TAOK3: variants seen among roughly 807,000 people sequenced by gnomAD.
TAOK3 encodes the protein TAO kinase 3.
In TAOK3, 40 loss-of-function variants were observed where a neutral mutation model predicts 120.4. The observed-to-expected ratio is 0.33, with a 90% CI of 0.26 to 0.43. The LOEUF is 0.43. Ranked by LOEUF, TAOK3 falls within the 20% of genes least tolerant of loss-of-function variation. The probability of loss-of-function intolerance (pLI) is 1.00; values close to 1 mark genes in which losing one functional copy is unlikely to be tolerated. For missense variants in TAOK3, 821 were observed against 1,112.1 expected (o/e 0.74, Z 3.72); for synonymous variants, 355 against 387.5 (o/e 0.92, Z 0.99).
intron 17 of TAOK3, among the ~76,000 whole-genome samples, chr12:118,162,640 A>T (rs1233235320): frequency 6.6e-6 from 1 of 152,038 alleles, no homozygotes; most frequent in East Asian, 1.9e-4. Flanking sequence ...TATTTTTTAA[A>T]ATCTCAGAGT....
At chr12:118,246,327 T>C in intron 3 of TAOK3, 2 of 1,602,234 alleles carry the variant, frequency 1.2e-6, no homozygotes, top group Non-Finnish European at 1.7e-6. Context: ...GGAGGAGATC[T>C]ATCTCTTCTC....
intron 14 of TAOK3, among the ~76,000 whole-genome samples, chr12:118,183,122 C>T (rs1485476174): frequency 6.6e-6 from 1 of 152,058 alleles, no homozygotes; most frequent in Non-Finnish European, 1.5e-5. Flanking sequence ...ACTGTAAGGC[C>T]CATCTCCCCA....
At chr12:118,245,026 T>G (rs1404398867) in intron 3 of TAOK3, 61 bp from the exon 4 acceptor site, 7 of 1,123,236 alleles carry the variant, frequency 6.2e-6, no homozygotes, top group Non-Finnish European at 9.2e-6. Context: ...CAATTTAACT[T>G]AAATATTTGA....
At chr12:118,340,699 C>T (rs922259358) in intron 1 of TAOK3, among the ~76,000 whole-genome samples, 4 of 151,856 alleles carry the variant, frequency 2.6e-5, no homozygotes, top group Admixed American at 6.6e-5. Flanking sequence ...CACAGCACTC[C>T]GTTATTTTGA....
chr12:118,327,927 A>G (rs2043996574), intron 1 of TAOK3, among the ~76,000 whole-genome samples: 1 of 152,228 alleles, frequency 6.6e-6, no homozygotes, highest in African/African-American at 2.4e-5. Context: ...TCTTATTTTC[A>G]GAAAGCATAT....
At chr12:118,369,816 CTGT>C (rs765120270) in intron 1 of TAOK3, among the ~76,000 whole-genome samples, 17 of 152,028 alleles carry the variant, frequency 1.1e-4, no homozygotes, top group African/African-American at 2.2e-4. Context: ...TCTGTATTTG[CTGT>C]TGTTGTTTCT....
chr12:118,285,588 G>C (rs111341720), intron 1 of TAOK3, among the ~76,000 whole-genome samples: 16 of 148,772 alleles, frequency 1.1e-4, no homozygotes, highest in Admixed American at 2.0e-4. Flanking sequence ...CCTGACCTCA[G>C]GTGATCCACC....
chr12:118,188,945 A>T (rs73222049), intron 14 of TAOK3, among the ~76,000 whole-genome samples: 29 of 132,002 alleles, frequency 2.2e-4, no homozygotes, highest in South Asian at 1.5e-3. Flanking sequence ...TGTGTGTGTG[A>T]GTGTGAGCGC....
intron 1 of TAOK3, among the ~76,000 whole-genome samples, chr12:118,350,550 G>A (rs572296204): frequency 6.6e-5 from 10 of 152,050 alleles, no homozygotes; most frequent in Admixed American, 2.0e-4. Flanking sequence ...TTTAAATGAC[G>A]GGTCTTCAGC....
intron 1 of TAOK3, among the ~76,000 whole-genome samples, chr12:118,303,527 C>T (rs555861616): frequency 5.3e-5 from 8 of 152,308 alleles, no homozygotes; most frequent in African/African-American, 1.4e-4. Context: ...GCACTGTTTT[C>T]GCCATGTTAA....
chr12:118,273,327 C>T (rs2041786684), intron 1 of TAOK3, among the ~76,000 whole-genome samples: 1 of 151,238 alleles, frequency 6.6e-6, no homozygotes, highest in South Asian at 2.1e-4. Flanking sequence ...ACGGTGAAAC[C>T]CCATCTCTAC....
chr12:118,274,753 C>T (rs1798806732), intron 1 of TAOK3, among the ~76,000 whole-genome samples: 1 of 152,092 alleles, frequency 6.6e-6, no homozygotes, highest in African/African-American at 2.4e-5. Context: ...CTCAATGTCC[C>T]AAGTAGCTGG....
intron 1 of TAOK3, among the ~76,000 whole-genome samples, chr12:118,301,636 G>A (rs2140706561): frequency 6.6e-6 from 1 of 152,152 alleles, no homozygotes; most frequent in East Asian, 1.9e-4. Context: ...ACGAGGTCAG[G>A]AGTTCAAGAT....
At chr12:118,285,607 C>A (rs1170890773) in intron 1 of TAOK3, among the ~76,000 whole-genome samples, 2 of 152,224 alleles carry the variant, frequency 1.3e-5, no homozygotes, top group African/African-American at 4.8e-5. Context: ...CCTGCCTTGG[C>A]CTCCCAAAGT....
intron 1 of TAOK3, among the ~76,000 whole-genome samples, chr12:118,353,691 G>A (rs941977498): frequency 8.5e-5 from 13 of 152,134 alleles, no homozygotes; most frequent in African/African-American, 2.9e-4. Flanking sequence ...GGTGCACGAG[G>A]TGCAGTGCAT....
At chr12:118,276,833 C>T (rs1386295471) in intron 1 of TAOK3, among the ~76,000 whole-genome samples, 3 of 152,044 alleles carry the variant, frequency 2.0e-5, no homozygotes, top group South Asian at 2.1e-4. Flanking sequence ...GGTAAAACCC[C>T]GTGTCTACTA....
intron 3 of TAOK3, chr12:118,246,385 C>G: frequency 6.3e-7 from 1 of 1,580,360 alleles, no homozygotes; most frequent in Non-Finnish European, 8.6e-7. Context: ...CTGGGGGCCT[C>G]TCTCAAGGAT....
rs1327312668 is a variant in TAOK3 at position 118,372,424 on chromosome 12, C to T, written c.-194+224G>A. 6.6e-6 allele frequency among the ~76,000 whole-genome samples: 1 copy of T among 151,546 alleles called. No homozygotes were observed. Among genetic ancestry groups the T allele is most frequent in the Non-Finnish European group, 1.5e-5 (1 of 67,846 alleles). ...GTCCCGGCCCCTCTTGGAGACCCCTCCCCTCAGACTTTCAGTCTTGGACCC... is the reference window on the plus strand; with the variant it reads ...GTCCCGGCCCCTCTTGGAGACCCCTTCCCTCAGACTTTCAGTCTTGGACCC... On this transcript the variant is annotated intron_variant, in intron 1 of 20. Transcript: ENST00000392533. The surrounding 1 kb of genome is among the most constrained non-coding windows in gnomAD (Gnocchi z 4.6).
intron 1 of TAOK3, among the ~76,000 whole-genome samples, chr12:118,324,867 C>CT (rs1464793875): frequency 2.0e-5 from 3 of 151,010 alleles, no homozygotes; most frequent in Non-Finnish European, 2.9e-5. Flanking sequence ...GCCTCAGCCT[C>CT]CCGAGTAGCT....
Sources: allele counts gnomAD v4.1 joint callset (sites outside exome capture counted in the v4.1 genomes callset), GRCh38; gene constraint gnomAD v4.1.1; non-coding constraint Gnocchi (gnomAD v3.1); transcripts MANE v1.5; gene names NCBI Gene and HGNC (gene_info 2026-07-23, HGNC 2026-07-21).